CUX1: variants seen among roughly 807,000 people sequenced by gnomAD.
The protein encoded by CUX1 is protein CASP.
A neutral mutation model predicts 158.8 loss-of-function variants in CUX1; 31 were observed. The ratio of observed to expected loss-of-function variants is 0.20; its 90% CI spans 0.15 to 0.26. The LOEUF is 0.26. Among genes scored for constraint, CUX1 ranks in the 10% least tolerant of loss-of-function variants. CUX1 has a pLI of 1.00. For missense variants in CUX1, 1,589 were observed against 2,014.6 expected (o/e 0.79, Z 4.04); for synonymous variants, 879 against 862.1 (o/e 1.02, Z -0.34).
Position 101,872,491 on chromosome 7 carries a change from G to C in CUX1, c.31-43624G>C, listed in dbSNP as rs367666427. Among the ~76,000 whole-genome samples the C allele has an allele frequency of 5.9e-5, 9 of 151,892 alleles. No individual in the cohort carries two copies. In the South Asian group the frequency reaches 1.2e-3, roughly 21 times the overall value. Reference sequence around the variant, plus strand: ...GTAAAGTGATTATTTTGGAGGTGGAGAGGAGAAAATGAGACTAAAGAAGAT... The same window carrying C: ...GTAAAGTGATTATTTTGGAGGTGGACAGGAGAAAATGAGACTAAAGAAGAT... On this transcript the variant is annotated intron_variant, in intron 1 of 23. Transcript: ENST00000292535.
In CUX1 at chr7:102,281,885, T is replaced by C. The variant is rs782500581; in HGVS notation, c.1867T>C (p.Phe623Leu). The C allele has an allele frequency of 3.7e-6, 6 of 1,613,516 alleles. No individual in the cohort carries two copies. In the African/African-American group the frequency reaches 4.0e-5, roughly 11 times the overall value. Residue 623 changes from phenylalanine to leucine, a missense_variant, in exon 21 of 23, where the codon TTC becomes CTC. Coordinates refer to the CUX1 transcript ENST00000292538. ...CAAGATGGCGCGCACCATCGGCTTC[T>C]TCTACACACTGTTCCTGCACTGCCT...
chr7:102,246,823 G>A (rs1800862916), intron 23 of CUX1, among the ~76,000 whole-genome samples: 2 of 152,326 alleles, frequency 1.3e-5, no homozygotes, highest in East Asian at 1.9e-4. Context: ...GCCCGCCTCA[G>A]CCTCCCAAAG....
chr7:101,892,414 C>T (rs188136783), intron 1 of CUX1, among the ~76,000 whole-genome samples: 18 of 152,234 alleles, frequency 1.2e-4, no homozygotes, highest in Admixed American at 6.5e-4. Flanking sequence ...TCTGGTTGTT[C>T]CGTTTTTCAG....
chr7:102,256,113 A>C lies in CUX1; in HGVS notation c.*7071A>C. 1.0e-6 allele frequency: 1 copy of C among 985,382 alleles called. No homozygotes were observed. The highest frequency in any genetic ancestry group is 1.2e-6 in the Non-Finnish European group (1 of 829,936). The allele number at this position is 985,382 out of a possible 1,614,324, so 61.0% of individuals were successfully genotyped here. On this transcript the variant is annotated 3_prime_UTR_variant, in exon 24 of 24. Coordinates refer to ENST00000292535, the MANE Select transcript of CUX1 (RefSeq NM_181552.4). The stretch of plus-strand genomic sequence containing the variant: ...TTGGTGACCACTGTGCTGGGCGTGC[A>C]GGGCCCGCGGGCTCTGGCCGGAGCC...
chr7:102,278,197 TTCCGACATC>T, intron 18 of CUX1: 1 of 540,998 alleles, frequency 1.8e-6, no homozygotes, highest in Non-Finnish European at 3.3e-6. Flanking sequence ...CCCTGAGGCC[TTCCGACATC>T]TCCCCACCCA....
At chr7:102,194,137 T>C in intron 13 of CUX1, 1 of 578,012 alleles carries the variant, frequency 1.7e-6, no homozygotes, top group East Asian at 2.8e-5. Flanking sequence ...GAACAAGGGA[T>C]TGCTTCATCC....
At position 102,274,260 on chromosome 7, in the gene CUX1, G is replaced by A. The variant is rs146554363; in HGVS notation, c.1400G>A (p.Arg467His). ...CACCTGCAGGGTGCCGCTGAGCACC[G>A]CCTGGAGAAGATCCCAGAGCCCATC... The change falls in exon 16 of 23, where the codon CGC (arginine) becomes CAC (histidine). Residue 467 changes from arginine to histidine, a missense_variant. Physicochemically the swap from Arg to His is conservative, Grantham distance 29. Transcript: ENST00000292538. The A allele has an allele frequency of 3.8e-5, 62 of 1,613,524 alleles. No homozygotes were observed. In the Middle Eastern group the frequency reaches 5.0e-4, roughly 13 times the overall value.
chr7:101,850,421 C>CTTTTTTTTTTTTTTTTTT (rs545679696), intron 1 of CUX1, among the ~76,000 whole-genome samples: 12 of 104,642 alleles, frequency 1.1e-4, no homozygotes, highest in Non-Finnish European at 1.9e-4. Flanking sequence ...TTCTTTCTTT[C>CTTTTTTTTTTTTTTTTTT]TTTTTTTTTT....
At chr7:102,158,517 GTC>G (rs1554505985) in intron 8 of CUX1, 41 bp from the exon 9 acceptor site, 3 of 1,607,746 alleles carry the variant, frequency 1.9e-6, no homozygotes. Flanking sequence ...CCCTGAGCCG[GTC>G]TCCTTGTGAC....
chr7:102,265,116 G>A (rs1343540690), intron 14 of CUX1: 1 of 152,164 alleles, frequency 6.6e-6, no homozygotes, highest in Non-Finnish European at 1.5e-5. Context: ...AGCACTTTGG[G>A]AGGCCAAGGT....
chr7:102,263,991 C>T (rs530469577), intron 14 of CUX1, among the ~76,000 whole-genome samples: 2 of 139,492 alleles, frequency 1.4e-5, no homozygotes, highest in Non-Finnish European at 3.1e-5. Flanking sequence ...TATTCCCAGA[C>T]AGAAGTTAAC....
chr7:102,182,800 C>T (rs1361923655), intron 11 of CUX1, among the ~76,000 whole-genome samples: 1 of 152,210 alleles, frequency 6.6e-6, no homozygotes, highest in African/African-American at 2.4e-5. Flanking sequence ...TAGTCAACTG[C>T]ACTGTACTTG....
chr7:101,975,260 A>G (rs922853876), intron 2 of CUX1, among the ~76,000 whole-genome samples: 7 of 148,136 alleles, frequency 4.7e-5, no homozygotes, highest in African/African-American at 1.9e-4. Flanking sequence ...CAAAAGGAAA[A>G]AAAAAGAGAG....
In CUX1 at chr7:102,253,166, T is replaced by G. The variant is rs1801700874; in HGVS notation, c.*4124T>G. The G allele has an allele frequency of 3.0e-6, 3 of 985,402 alleles. No homozygotes were observed. The African/African-American group carries it at 5.2e-5, about 17-fold the overall frequency. The allele number at this position is 985,402 out of a possible 1,614,324, so 61.0% of individuals were successfully genotyped here. On this transcript the variant is annotated 3_prime_UTR_variant, in exon 24 of 24. Transcript: ENST00000292535. ...CCCATTGAAAAACCATCCTGTCTGA[T>G]GTGGACGTTCAGGTCTGCTGGTTGG... is the stretch of plus-strand genomic sequence containing the variant.
chr7:101,870,575 T>C (rs1212751168), intron 1 of CUX1, among the ~76,000 whole-genome samples: 1 of 152,214 alleles, frequency 6.6e-6, no homozygotes, highest in Non-Finnish European at 1.5e-5. Flanking sequence ...TTTCTGCCTT[T>C]TGTAAAACTC....
Position 102,252,775 on chromosome 7 carries a change from A to G in CUX1, c.*3733A>G, listed in dbSNP as rs1010130030. 1.2e-5 allele frequency: 12 copies of G among 985,332 alleles called. No homozygotes were observed. The highest frequency in any genetic ancestry group is 1.7e-5 in the African/African-American group (1 of 57,198). 61.0% of individuals were successfully genotyped at this position (985,332 alleles called of 1,614,324 possible). A position where few individuals can be genotyped will look rare whatever the true frequency, so the allele number is the denominator to read the frequency against. On this transcript the variant is annotated 3_prime_UTR_variant, in exon 24 of 24. Coordinates refer to ENST00000292535, the MANE Select transcript of CUX1 (RefSeq NM_181552.4). ...TGGTAACCTCCTCTTGAACTTCTGT[A>G]TCAGTGAAGACATCTGTGGTTTCTG...
intron 3 of CUX1, among the ~76,000 whole-genome samples, chr7:102,054,036 G>A (rs1033130037): frequency 6.6e-6 from 1 of 152,052 alleles, no homozygotes; most frequent in Non-Finnish European, 1.5e-5. Flanking sequence ...CCGAACTCCT[G>A]ACCTCAGGTG....
intron 1 of CUX1, among the ~76,000 whole-genome samples, chr7:101,907,889 G>A (rs996938651): frequency 2.6e-5 from 4 of 152,098 alleles, no homozygotes; most frequent in African/African-American, 9.7e-5. Flanking sequence ...GGAGGCTGAG[G>A]TGGGAGGATC....
chr7:101,993,206 A>T (rs1815373966), intron 2 of CUX1, among the ~76,000 whole-genome samples: 1 of 152,154 alleles, frequency 6.6e-6, no homozygotes, highest in South Asian at 2.1e-4. Flanking sequence ...GGTGGGTACC[A>T]GTAATCCTAG....
Sources: gnomAD v4.1 joint callset for allele counts (sites outside exome capture counted in the v4.1 genomes callset) on GRCh38, gnomAD v4.1.1 for gene constraint, MANE v1.5 for transcripts, NCBI Gene and HGNC (gene_info 2026-07-23, HGNC 2026-07-21) for gene names.